The following NTM variants were observed in gnomAD, a reference collection of about 807,000 sequenced individuals.
NTM encodes the protein neurotrimin, also known as IgLON family member 2.
A neutral mutation model predicts 42.1 loss-of-function variants in NTM; 13 were observed. The ratio of observed to expected loss-of-function variants is 0.31; its 90% confidence interval spans 0.20 to 0.49. The LOEUF is 0.49. Ranked by LOEUF, NTM falls within the 20% of genes least tolerant of loss-of-function variation. The pLI is 0.99. For synonymous variants in NTM, 187 were observed against 179.2 expected (o/e 1.04, Z -0.35); for missense variants, 373 against 452.8 (o/e 0.82, Z 1.60).
chr11:132,335,057 G>T lies in NTM; in HGVS notation c.979G>T (p.Val327Phe). 6.2e-7 allele frequency: 1 copy of T among 1,612,214 alleles called. No homozygotes were observed. ...TGTTCTCTCCACAGGTCCAGGCGCCGTCAGCGAGGTGAGCAACGGCACGTC... is the reference window on the plus strand; with the variant it reads ...TGTTCTCTCCACAGGTCCAGGCGCCTTCAGCGAGGTGAGCAACGGCACGTC... ...ALTPWKGPGAVSEVSNGTSRR... is the reference protein window; with the variant it reads ...ALTPWKGPGAFSEVSNGTSRR... Residue 327 changes from valine to phenylalanine, a missense_variant, in exon 9 of 9, where the codon GTC becomes TTC. By Grantham distance (50) the Val-to-Phe change is conservative. Transcript: ENST00000683400.
intron 4 of NTM, among the ~76,000 whole-genome samples, chr11:132,236,786 G>A (rs575643756): frequency 1.3e-4 from 20 of 152,182 alleles, no homozygotes; most frequent in Non-Finnish European, 2.8e-4. Flanking sequence ...CTAATCTCCC[G>A]GCATGGAGAA....
intron 2 of NTM, among the ~76,000 whole-genome samples, chr11:131,947,380 T>C (rs938176689): frequency 1.3e-4 from 20 of 152,126 alleles, no homozygotes; most frequent in African/African-American, 4.8e-4. Flanking sequence ...CCTCCCTGCC[T>C]GTGGAGTCAT....
intron 2 of NTM, among the ~76,000 whole-genome samples, chr11:132,053,487 C>G (rs2079151701): frequency 6.6e-6 from 1 of 152,168 alleles, no homozygotes; most frequent in South Asian, 2.1e-4. Flanking sequence ...CAGAGACTCT[C>G]TAGTCTCTTT....
chr11:132,302,883 T>A (rs1209023113), intron 4 of NTM, among the ~76,000 whole-genome samples: 2 of 152,150 alleles, frequency 1.3e-5, no homozygotes, highest in African/African-American at 4.8e-5. Flanking sequence ...AATCACTAGT[T>A]CCCAAACTTG....
At chr11:131,976,034 A>G (rs2064282423) in intron 2 of NTM, among the ~76,000 whole-genome samples, 1 of 152,068 alleles carries the variant, frequency 6.6e-6, no homozygotes, top group Non-Finnish European at 1.5e-5. Context: ...AAAAGAACCC[A>G]GTGGCCTTTG....
intron 2 of NTM, among the ~76,000 whole-genome samples, chr11:132,047,904 G>A (rs1490189936): frequency 6.6e-6 from 1 of 152,138 alleles, no homozygotes; most frequent in African/African-American, 2.4e-5. Flanking sequence ...TGGACGACCC[G>A]CTTGACATCT....
chr11:132,070,521 G>T (rs1372562625), intron 2 of NTM, among the ~76,000 whole-genome samples: 1 of 117,312 alleles, frequency 8.5e-6, no homozygotes, highest in Non-Finnish European at 1.8e-5. Flanking sequence ...ACGTCACACA[G>T]CCAAGTTAAC....
intron 1 of NTM, among the ~76,000 whole-genome samples, chr11:131,728,417 A>G (rs907934105): frequency 6.6e-6 from 1 of 152,240 alleles, no homozygotes; most frequent in African/African-American, 2.4e-5. Flanking sequence ...ATTGCAAAGG[A>G]TACAGGTGAA....
intron 2 of NTM, among the ~76,000 whole-genome samples, chr11:131,990,824 A>G (rs1466893572): frequency 6.6e-6 from 1 of 152,220 alleles, no homozygotes; most frequent in African/African-American, 2.4e-5. Flanking sequence ...CCTGTGAGTC[A>G]GGGACTGAGC....
At chr11:131,885,003 A>G (rs1404633285) in intron 1 of NTM, among the ~76,000 whole-genome samples, 2 of 152,296 alleles carry the variant, frequency 1.3e-5, no homozygotes, top group South Asian at 2.1e-4. Flanking sequence ...CAGCTGGGTA[A>G]CAGCTGATGC....
At chr11:132,057,607 GCAT>G (rs1324776558) in intron 2 of NTM, among the ~76,000 whole-genome samples, 14 of 152,056 alleles carry the variant, frequency 9.2e-5, no homozygotes, top group Non-Finnish European at 1.5e-4. Context: ...CTGTACTTCT[GCAT>G]CCTTAGTGTT....
At chr11:132,288,821 A>T (rs2094348471) in intron 4 of NTM, among the ~76,000 whole-genome samples, 1 of 152,126 alleles carries the variant, frequency 6.6e-6, no homozygotes, top group East Asian at 1.9e-4. Context: ...GGGTTTCACC[A>T]TGTTGGCCAG....
At position 131,511,325 on chromosome 11, in the gene NTM, A is replaced by G. The variant is rs545077832; in HGVS notation, c.82+140437A>G. Among the ~76,000 whole-genome samples, 4 of 152,342 alleles carry G rather than the reference A, an allele frequency of 2.6e-5. No homozygotes were observed. The South Asian group carries it at 8.3e-4, about 32-fold the overall frequency. On this transcript the variant is annotated intron_variant, in intron 1 of 8. Coordinates refer to ENST00000683400, the MANE Select transcript of NTM (RefSeq NM_001352005.2). ...GCCCAGCAGGTAAGGCTGGGACACCAGCCAGTGGGAAGAGTGCAGCAGTGC... is the reference window on the plus strand; with the variant it reads ...GCCCAGCAGGTAAGGCTGGGACACCGGCCAGTGGGAAGAGTGCAGCAGTGC...
intron 4 of NTM, among the ~76,000 whole-genome samples, chr11:132,229,365 A>G (rs569617925): frequency 2.3e-4 from 35 of 152,316 alleles, no homozygotes; most frequent in African/African-American, 8.2e-4. Flanking sequence ...CTGGTTCCAG[A>G]GGTTTCACTC....
chr11:131,990,127 C>T (rs1394369047), intron 2 of NTM, among the ~76,000 whole-genome samples: 1 of 152,080 alleles, frequency 6.6e-6, no homozygotes, highest in East Asian at 1.9e-4. Context: ...TTATTCACTA[C>T]ATTTTATGGA....
At chr11:132,320,681 A>C (rs1466661693) in intron 7 of NTM, among the ~76,000 whole-genome samples, 2 of 152,134 alleles carry the variant, frequency 1.3e-5, no homozygotes, top group Non-Finnish European at 2.9e-5. Flanking sequence ...ACCACAGCTC[A>C]AGGAGGCCTG....
intron 2 of NTM, among the ~76,000 whole-genome samples, chr11:131,911,957 G>T (rs2055147301): frequency 1.3e-5 from 2 of 152,176 alleles, no homozygotes; most frequent in African/African-American, 2.4e-5. Context: ...GGCACTGTCT[G>T]TGCCTGAGCC....
intron 1 of NTM, among the ~76,000 whole-genome samples, chr11:131,809,608 C>T (rs919969404): frequency 3.3e-5 from 5 of 152,234 alleles, no homozygotes; most frequent in African/African-American, 1.2e-4. Flanking sequence ...CCTCTCCCCA[C>T]TTTTTTGTCA....
intron 1 of NTM, among the ~76,000 whole-genome samples, chr11:131,725,971 G>A (rs2078919797): frequency 2.0e-5 from 3 of 152,158 alleles, no homozygotes; most frequent in Admixed American, 2.0e-4. Flanking sequence ...GGATGATTCT[G>A]CTACCAGTCT....
Sources: gnomAD v4.1 joint callset for allele counts (sites outside exome capture counted in the v4.1 genomes callset) on GRCh38, gnomAD v4.1.1 for gene constraint, MANE v1.5 for transcripts, NCBI Gene and HGNC (gene_info 2026-07-23, HGNC 2026-07-21) for gene names.